The following CLMP variants were observed in gnomAD, a reference collection of about 807,000 sequenced individuals.
The protein encoded by CLMP is CXADR-like membrane protein.
In CLMP, 27 loss-of-function variants were observed where a neutral mutation model predicts 45.2. The observed-to-expected ratio is 0.60, with a 90% CI of 0.44 to 0.82. The LOEUF is 0.82. CLMP is among the 40% of genes least tolerant of loss of function. CLMP has a pLI of 0.00. For synonymous variants in CLMP, 167 were observed against 171.4 expected (o/e 0.97, Z 0.20); for missense variants, 403 against 448.4 (o/e 0.90, Z 0.91).
At chr11:123,104,707 TAGC>T (rs1295848877) in intron 1 of CLMP, among the ~76,000 whole-genome samples, 1 of 152,134 alleles carries the variant, frequency 6.6e-6, no homozygotes, top group Admixed American at 6.6e-5. Flanking sequence ...CTCCAAGGCT[TAGC>T]AGTGCTCATG....
At chr11:123,109,777 G>A (rs1375133247) in intron 1 of CLMP, among the ~76,000 whole-genome samples, 2 of 152,208 alleles carry the variant, frequency 1.3e-5, no homozygotes, top group African/African-American at 4.8e-5. Context: ...CGCATTTATA[G>A]AGGTTCGATG....
At chr11:123,191,573 G>C (rs1385501731) in intron 1 of CLMP, 1 of 152,098 alleles carries the variant, frequency 6.6e-6, no homozygotes, top group Non-Finnish European at 1.5e-5. Flanking sequence ...TATATTATCT[G>C]GTCCCTATCC....
rs558432937 is a variant in CLMP, at chr11:123,091,097, T to C, written c.187-6384A>G. Among the ~76,000 whole-genome samples the C allele has an allele frequency of 1.8e-4, 28 of 152,070 alleles. No individual in the cohort carries two copies. In the South Asian group the frequency reaches 5.8e-3, roughly 32 times the overall value. Reference sequence around the variant, plus strand: ...CTTCTTTCTTTCTCTCTCTCTCTCTTTCTTTGTTTCCTTTCTTTCTTTTTT... The same window carrying C: ...CTTCTTTCTTTCTCTCTCTCTCTCTCTCTTTGTTTCCTTTCTTTCTTTTTT... On this transcript the variant is annotated intron_variant, in intron 2 of 6. Coordinates refer to ENST00000448775, the MANE Select transcript of CLMP (RefSeq NM_024769.5).
intron 2 of CLMP, among the ~76,000 whole-genome samples, chr11:123,091,438 C>T (rs1319232404): frequency 6.6e-6 from 1 of 152,104 alleles, no homozygotes; most frequent in Non-Finnish European, 1.5e-5. Flanking sequence ...TCATGTACAG[C>T]TTGGTCTGAA....
intron 1 of CLMP, among the ~76,000 whole-genome samples, chr11:123,173,474 A>C (rs180858293): frequency 4.3e-4 from 65 of 152,350 alleles, no homozygotes; most frequent in Admixed American, 1.9e-3. Context: ...TCTGCGTGTA[A>C]TAACCACAAG....
chr11:123,107,911 ACAGCCAT>A (rs1410463034), intron 1 of CLMP, among the ~76,000 whole-genome samples: 1 of 152,168 alleles, frequency 6.6e-6, no homozygotes, highest in Non-Finnish European at 1.5e-5. Flanking sequence ...CCTCACAACA[ACAGCCAT>A]CTTAGCACAC....
intron 6 of CLMP, among the ~76,000 whole-genome samples, 193 bp downstream of exon 6, chr11:123,074,509 G>T (rs1276613257): frequency 1.3e-5 from 2 of 152,084 alleles, no homozygotes; most frequent in African/African-American, 4.8e-5. Flanking sequence ...GTTTGTTGAG[G>T]ATAAGATAGT....
At chr11:123,150,480 A>AAAGAAAGAAAGAAAGGAAGGAAGG (rs764502298) in intron 1 of CLMP, among the ~76,000 whole-genome samples, 3 of 40,962 alleles carry the variant, frequency 7.3e-5, no homozygotes, top group Non-Finnish European at 1.4e-4. Context: ...AGAAAGAAAG[A>AAAGAAAGAAAGAAAGGAAGGAAGG]AAGGAAGGAA....
chr11:123,111,287 C>A (rs1025137793), intron 1 of CLMP, among the ~76,000 whole-genome samples: 23 of 152,050 alleles, frequency 1.5e-4, no homozygotes, highest in African/African-American at 5.6e-4. Context: ...CACACCACCA[C>A]ACCCAGCTCA....
chr11:123,173,592 A>G (rs1861662995), intron 1 of CLMP, among the ~76,000 whole-genome samples: 1 of 152,178 alleles, frequency 6.6e-6, no homozygotes, highest in African/African-American at 2.4e-5. Context: ...GCAATAAGGT[A>G]TATACTAGTT....
At chr11:123,103,708 CTTT>C (rs1020947570) in intron 1 of CLMP, among the ~76,000 whole-genome samples, 4 of 150,590 alleles carry the variant, frequency 2.7e-5, no homozygotes, top group African/African-American at 9.8e-5. Flanking sequence ...TTTTTTCTTT[CTTT>C]CTTTCTTTTT....
intron 1 of CLMP, among the ~76,000 whole-genome samples, chr11:123,185,387 GGAGAGA>G (rs149937458): frequency 6.7e-6 from 1 of 149,576 alleles, no homozygotes; most frequent in Non-Finnish European, 1.5e-5. Flanking sequence ...TGGCGCCAGG[GGAGAGA>G]GAGAGAGAGA....
At chr11:123,127,358 G>A (rs1469005672) in intron 1 of CLMP, among the ~76,000 whole-genome samples, 1 of 152,146 alleles carries the variant, frequency 6.6e-6, no homozygotes, top group Non-Finnish European at 1.5e-5. Context: ...CTAACCTCAA[G>A]TGATCCACAC....
rs1374417391 is a variant in CLMP at position 123,160,870 on chromosome 11, C to A, written c.28+34043G>T. On this transcript the variant is annotated intron_variant, in intron 1 of 6. Coordinates refer to ENST00000448775, the MANE Select transcript of CLMP (RefSeq NM_024769.5). ...GTGCATGCCTGTAATCCCAGCTACTCAGGAGGCTGAGGCAGGAGAATTGCT... is the reference window on the plus strand; with the variant it reads ...GTGCATGCCTGTAATCCCAGCTACTAAGGAGGCTGAGGCAGGAGAATTGCT... Among the ~76,000 whole-genome samples the A allele has an allele frequency of 2.0e-5, 3 of 151,232 alleles. No individual in the cohort carries two copies. The South Asian group carries it at 6.3e-4, about 32-fold the overall frequency.
At chr11:123,094,599 TG>T (rs1865969302) in intron 2 of CLMP, among the ~76,000 whole-genome samples, 1 of 152,206 alleles carries the variant, frequency 6.6e-6, no homozygotes, top group African/African-American at 2.4e-5. Flanking sequence ...GTTCTCACTC[TG>T]TTGCTCAGGC....
rs560212297 is a variant in CLMP at position 123,170,816 on chromosome 11, T to C, written c.28+24097A>G. ...ATCCTATAAAGACTGTTTGCTGGCA[T>C]TAATACTCCCTGCTGCCTCCTTGGT... On this transcript the variant is annotated intron_variant, in intron 1 of 6. Transcript: ENST00000448775. Among the ~76,000 whole-genome samples, 7 of 152,284 alleles carry C rather than the reference T, an allele frequency of 4.6e-5. No homozygotes were observed. In the South Asian group the frequency reaches 1.5e-3, roughly 32 times the overall value.
intron 1 of CLMP, among the ~76,000 whole-genome samples, chr11:123,161,839 T>A (rs192937186): frequency 6.6e-6 from 1 of 152,292 alleles, no homozygotes; most frequent in Admixed American, 6.5e-5. Context: ...TAAACTCCCT[T>A]GGGGTGGATT....
intron 2 of CLMP, among the ~76,000 whole-genome samples, chr11:123,094,346 G>A (rs1310255109): frequency 6.6e-6 from 1 of 151,988 alleles, no homozygotes; most frequent in Admixed American, 6.6e-5. Flanking sequence ...AGCTCAAGTG[G>A]ACCTCCTGCC....
intron 1 of CLMP, among the ~76,000 whole-genome samples, chr11:123,155,576 C>A (rs9943479): frequency 0.28 from 42,776 of 152,060 alleles, 6,279 homozygotes; most frequent in African/African-American, 0.35. Context: ...TACAAGAGGT[C>A]GAGCTAGAAT....
Sources: gnomAD v4.1 joint callset for allele counts (sites outside exome capture counted in the v4.1 genomes callset) on GRCh38, gnomAD v4.1.1 for gene constraint, MANE v1.5 for transcripts, NCBI Gene and HGNC (gene_info 2026-07-23, HGNC 2026-07-21) for gene names.